Variants in DDX52 observed in about 807,000 individuals in gnomAD.
DDX52 encodes DExD-box helicase 52.
A neutral mutation model predicts 76.1 loss-of-function variants in DDX52; 59 were observed. The observed-to-expected ratio is 0.78, with a 90% CI of 0.63 to 0.96. DDX52 has a LOEUF of 0.96. DDX52 is among the 40% of genes least tolerant of loss of function. The pLI, the probability that DDX52 is intolerant of heterozygous loss-of-function variation, is 0.00. For missense variants in DDX52, 707 were observed against 703.9 expected (o/e 1.00, Z -0.05); for synonymous variants, 231 against 244.1 (o/e 0.95, Z 0.50).
intron 12 of DDX52, 54 bp from the exon 13 acceptor site, chr17:37,619,893 T>C: frequency 6.4e-7 from 1 of 1,570,740 alleles, no homozygotes; most frequent in Non-Finnish European, 8.7e-7. Flanking sequence ...TTGATGTTTA[T>C]GAATGTAAAC....
chr17:37,610,127 A>ATT lies in DDX52; in HGVS notation c.*4167_*4168dup, dbSNP rs34469094. 6.5e-3 allele frequency: 936 copies of ATT among 144,094 alleles called. 9 individuals are homozygous for ATT. The highest frequency in any genetic ancestry group is 0.015 in the Admixed American group (223 of 14,430). The allele number at this position is 144,094 out of a possible 1,614,324, so 8.9% of individuals were successfully genotyped here. A position where few individuals can be genotyped will look rare whatever the true frequency, so the allele number is the denominator to read the frequency against. On this transcript the variant is annotated 3_prime_UTR_variant, in exon 15 of 15. Coordinates refer to ENST00000617633, the MANE Select transcript of DDX52 (RefSeq NM_007010.5). The stretch of plus-strand genomic sequence containing the variant: ...AGCTATTTCGGCATATTTTTTACTG[A>ATT]TTTTTTTTTTTTTTGAGACAGGGTC...
rs563829025 is a variant in DDX52, at chr17:37,634,558, G to A, written c.287-1140C>T. On this transcript the variant is annotated intron_variant, in intron 2 of 14. Transcript: ENST00000617633. ...AGGCAGGAGAATCACCTGAAGCCAG[G>A]AGGTGGGGGTTGCAGTGAGCCAAGA... is the stretch of plus-strand genomic sequence containing the variant. 2.6e-5 allele frequency among the ~76,000 whole-genome samples: 4 copies of A among 151,868 alleles called. No individual in the cohort carries two copies. The South Asian group carries it at 8.3e-4, about 32-fold the overall frequency.
chr17:37,638,072 T>C (rs928829792), intron 2 of DDX52, among the ~76,000 whole-genome samples: 1 of 152,202 alleles, frequency 6.6e-6, no homozygotes, highest in Non-Finnish European at 1.5e-5. Context: ...AGTTTGATCA[T>C]AAAGACAAAG....
In DDX52 at chr17:37,642,183, TC is replaced by T; in HGVS notation, c.212del (p.Gly71GlufsTer8). The T allele has an allele frequency of 6.2e-7, 1 of 1,614,156 alleles. No individual in the cohort carries two copies. Among genetic ancestry groups the T allele is most frequent in the South Asian group, 1.1e-5 (1 of 91,076 alleles). ...CAGTTAGGCTCTCTTCTTTTTTCTC[TC>T]CATTTTGGGGCTTCTGATGTGTTTG... Reference protein sequence around the residue: ...ASQTHQKPQNGEKKEESLTER... With the variant: ...ASQTHQKPQNXEKKEESLTER... On this transcript the variant is annotated frameshift_variant, in exon 2 of 15. Transcript: ENST00000617633. LOFTEE classifies it high-confidence loss of function.
In DDX52 at chr17:37,610,472, C is replaced by T. The variant is rs1443043405; in HGVS notation, c.*3824G>A. The T allele has an allele frequency of 1.3e-5, 2 of 151,508 alleles. No individual in the cohort carries two copies. The highest frequency in any genetic ancestry group is 2.9e-5 in the Non-Finnish European group (2 of 67,912). The allele number at this position is 151,508 out of a possible 1,614,324, so 9.4% of individuals were successfully genotyped here. A position where few individuals can be genotyped will look rare whatever the true frequency, so the allele number is the denominator to read the frequency against. The stretch of plus-strand genomic sequence containing the variant: ...ATCAAACTACTGTCTGGAAGTAAAA[C>T]ATGAAAGTTGAGTAATTTTCTCAAG... On this transcript the variant is annotated 3_prime_UTR_variant, in exon 15 of 15. Transcript: ENST00000617633.
rs772343070 is a variant in DDX52 at position 37,614,352 on chromosome 17, T to A, written c.1744A>T (p.Lys582Ter). Residue 582 changes from lysine (K) to a stop codon, truncating the protein, a stop_gained and splice_region_variant, in exon 15 of 15, where the codon AAA (lysine) becomes TAA (stop). Coordinates refer to ENST00000617633, the MANE Select transcript of DDX52 (RefSeq NM_007010.5). LOFTEE classifies it high-confidence loss of function. ...TTGCTGTTCTGACCAGTGACCTTTT[T>A]CCTGTAAAGAGCAAAGTAAGAAAAA... is the stretch of plus-strand genomic sequence containing the variant. ...CFLEKAKDKQ[K>*]KVTGQNSKKK... The A allele has an allele frequency of 6.8e-6, 11 of 1,610,284 alleles. No homozygotes were observed. Among genetic ancestry groups the A allele is most frequent in the Admixed American group, 3.4e-5 (2 of 59,098 alleles).
chr17:37,618,226 G>T, intron 14 of DDX52, 66 bp downstream of exon 14: 1 of 1,289,122 alleles, frequency 7.8e-7, no homozygotes, highest in Non-Finnish European at 1.1e-6. Context: ...TTTACCTAAG[G>T]AAAAATAATG....
intron 13 of DDX52, among the ~76,000 whole-genome samples, chr17:37,619,404 A>G (rs2029958315): frequency 6.6e-6 from 1 of 152,172 alleles, no homozygotes; most frequent in Admixed American, 6.5e-5. Context: ...AATATTCACA[A>G]GCAGTTTTGG....
At chr17:37,630,246 A>C (rs1451868910) in intron 4 of DDX52, 73 bp from the exon 5 acceptor site, 389 of 1,392,260 alleles carry the variant, frequency 2.8e-4, no homozygotes, top group Admixed American at 5.7e-4. Flanking sequence ...AAATAACGCT[A>C]CCAGCCATAG....
chr17:37,642,272 C>A lies in DDX52; in HGVS notation c.124G>T (p.Val42Leu). Residue 42 changes from valine (V) to leucine (L), a missense_variant, in exon 2 of 15, where the codon GTG becomes TTG. Transcript: ENST00000617633. ...CCAAAAAAGTCCAGTCCCTGAAGCA[C>A]CTCCGAAGAATCAAAGTCATATTTC... ...KRKYDFDSSEVLQGLDFFGNK... is the reference protein window; with the variant it reads ...KRKYDFDSSELLQGLDFFGNK... 6.2e-7 allele frequency: 1 copy of A among 1,613,972 alleles called. No homozygotes were observed. The highest frequency in any genetic ancestry group is 8.5e-7 in the Non-Finnish European group (1 of 1,179,996).
At chr17:37,634,930 A>G (rs529805339) in intron 2 of DDX52, among the ~76,000 whole-genome samples, 10 of 151,280 alleles carry the variant, frequency 6.6e-5, no homozygotes, top group Non-Finnish European at 1.5e-4. Context: ...CCTCCCGAGT[A>G]GCTGGGACTA....
rs1353196033 is a variant in DDX52 at position 37,640,031 on chromosome 17, C to G, written c.286+2079G>C. Reference sequence around the variant, plus strand: ...TCAAATTGATCATGGGGCATCCCTACAATGTATGATGGGCTACTATGCTGT... The same window carrying G: ...TCAAATTGATCATGGGGCATCCCTAGAATGTATGATGGGCTACTATGCTGT... On this transcript the variant is annotated intron_variant, in intron 2 of 14. Coordinates refer to ENST00000617633, the MANE Select transcript of DDX52 (RefSeq NM_007010.5). Among the ~76,000 whole-genome samples, 8 of 152,206 alleles carry G rather than the reference C, an allele frequency of 5.3e-5. No homozygotes were observed. In the East Asian group the frequency reaches 1.5e-3, roughly 29 times the overall value.
intron 1 of DDX52, chr17:37,642,661 A>C (rs1368076091): frequency 7.9e-6 from 2 of 251,664 alleles, no homozygotes; most frequent in African/African-American, 4.6e-5. Flanking sequence ...TCTAAAAATG[A>C]GTAACTGGCA....
At chr17:37,626,980 A>G in intron 6 of DDX52, 120 bp from the exon 7 acceptor site, 1 of 717,590 alleles carries the variant, frequency 1.4e-6, no homozygotes, top group South Asian at 1.8e-5. Context: ...AGCCAACAAC[A>G]CAAAACTATT....
chr17:37,624,378 C>A lies in DDX52; in HGVS notation c.1193G>T (p.Gly398Val). The change falls in exon 9 of 15, where the codon GGA becomes GTA. Residue 398 changes from glycine to valine, a missense_variant. By Grantham distance (109) the Gly-to-Val change is moderately radical. Coordinates refer to ENST00000617633, the MANE Select transcript of DDX52 (RefSeq NM_007010.5). ...QELLFVGSET[G>V]KLLAVRELVK... ...AAGTTCTCTCACGGCCAGAAGTTTT[C>A]CGGTCTCAGATCCAACAAAGAGAAG... The A allele has an allele frequency of 6.2e-7, 1 of 1,608,872 alleles. No individual in the cohort carries two copies. The highest frequency in any genetic ancestry group is 8.5e-7 in the Non-Finnish European group (1 of 1,176,590).
chr17:37,624,550 C>CA (rs2030267918), intron 8 of DDX52, 116 bp from the exon 9 acceptor site: 1 of 625,002 alleles, frequency 1.6e-6, no homozygotes, highest in African/African-American at 1.8e-5. Flanking sequence ...TTTCCACTGT[C>CA]AATATTAATA....
In DDX52 at chr17:37,624,358, C is replaced by G; in HGVS notation, c.1213G>C (p.Glu405Gln). The change falls in exon 9 of 15, where the codon GAA becomes CAA. Residue 405 changes from glutamate (E) to glutamine (Q), a missense_variant. Coordinates refer to ENST00000617633, the MANE Select transcript of DDX52 (RefSeq NM_007010.5). ...TACAAATATACCTTTTTAACAAGTTCTCTCACGGCCAGAAGTTTTCCGGTC... is the reference window on the plus strand; with the variant it reads ...TACAAATATACCTTTTTAACAAGTTGTCTCACGGCCAGAAGTTTTCCGGTC... Reference protein sequence around the residue: ...SETGKLLAVRELVKKGFNPPV... With the variant: ...SETGKLLAVRQLVKKGFNPPV... 6.2e-7 allele frequency: 1 copy of G among 1,607,896 alleles called. No homozygotes were observed. The highest frequency in any genetic ancestry group is 8.5e-7 in the Non-Finnish European group (1 of 1,176,208).
chr17:37,619,903 C>T, intron 12 of DDX52, 64 bp from the exon 13 acceptor site: 1 of 1,526,014 alleles, frequency 6.6e-7, no homozygotes, highest in Non-Finnish European at 9.0e-7. Context: ...TGAATGTAAA[C>T]CCTCTGCACA....
intron 2 of DDX52, among the ~76,000 whole-genome samples, chr17:37,634,989 C>T (rs552745953): frequency 8.6e-5 from 13 of 151,814 alleles, no homozygotes; most frequent in East Asian, 3.9e-4. Context: ...TTAGTAGAGA[C>T]GGGGTTTCAC....
Sources: allele counts gnomAD v4.1 joint callset (sites outside exome capture counted in the v4.1 genomes callset), GRCh38; gene constraint gnomAD v4.1.1; transcripts MANE v1.5; gene names NCBI Gene and HGNC (gene_info 2026-07-23, HGNC 2026-07-21).